SMOC1: variants seen among roughly 807,000 people sequenced by gnomAD.
SMOC1 encodes SPARC related modular calcium binding 1.
Under a neutral mutation model 56.3 loss-of-function variants are expected in SMOC1, and 22 were observed. The observed-to-expected ratio is 0.39, with a 90% confidence interval of 0.28 to 0.56. SMOC1 has a LOEUF of 0.56. Among genes scored for constraint, SMOC1 ranks in the 20% least tolerant of loss-of-function variants. SMOC1 has a pLI of 0.61. For missense variants in SMOC1, 509 were observed against 565.4 expected, an observed-to-expected ratio of 0.90 and a Z score of 1.01; for synonymous variants, 193 against 215.0, an observed-to-expected ratio of 0.90 and a Z score of 0.89.
chr14:69,944,666 C>T (rs1002624261), intron 1 of SMOC1, among the ~76,000 whole-genome samples: 16 of 152,076 alleles, frequency 1.1e-4, no homozygotes, highest in Admixed American at 9.2e-4. Context: ...ATCACATTGG[C>T]CGTTAAATTG....
intron 1 of SMOC1, among the ~76,000 whole-genome samples, chr14:69,912,521 G>A (rs1884580640): frequency 6.6e-6 from 1 of 152,184 alleles, no homozygotes; most frequent in Non-Finnish European, 1.5e-5. Context: ...CTAAAGTGCT[G>A]AGATTACAGG....
rs372449322 is a variant in SMOC1, at chr14:69,965,794, T to G, written c.379-9921T>G. Among the ~76,000 whole-genome samples the G allele has an allele frequency of 6.6e-5, 10 of 152,322 alleles. No individual in the cohort carries two copies. In the South Asian group the frequency reaches 1.2e-3, roughly 19 times the overall value. On this transcript the variant is annotated intron_variant, in intron 3 of 11. Coordinates refer to ENST00000361956, the MANE Select transcript of SMOC1 (RefSeq NM_001034852.3). ...TCCAATCAGGTGGCTAGGCACACAG[T>G]AGGCCCACAACAGACATTTACTCAG...
chr14:69,957,500 C>T (rs1001393140), intron 3 of SMOC1, among the ~76,000 whole-genome samples: 3 of 152,152 alleles, frequency 2.0e-5, no homozygotes, highest in African/African-American at 7.2e-5. Flanking sequence ...TGCCTAATAT[C>T]CAAGGCTGTG....
Position 70,023,459 on chromosome 14 carries a change from C to G in SMOC1, c.1291+12C>G. On this transcript the variant is annotated intron_variant, in intron 11 of 11. Coordinates refer to ENST00000361956, the MANE Select transcript of SMOC1 (RefSeq NM_001034852.3). ...TGTTAGCAAAGAAGGTGAGTGCTCT[C>G]CCCTGTGCTCCTGGCCTTTCAATAC... 2 of 1,613,818 alleles carry G rather than the reference C, an allele frequency of 1.2e-6. No homozygotes were observed. The highest frequency in any genetic ancestry group is 1.7e-6 in the Non-Finnish European group (2 of 1,180,026).
At position 70,006,530 on chromosome 14, in the gene SMOC1, C is replaced by CA. The variant is rs1263408886; in HGVS notation, c.665-4219dup. 5.3e-5 allele frequency among the ~76,000 whole-genome samples: 8 copies of CA among 152,272 alleles called. No individual in the cohort carries two copies. The East Asian group carries it at 1.5e-3, about 29-fold the overall frequency. ...GTTGACTGAAGGGCTTACAGGGCTACAAAAATACGTACAGGGTAAATTGAT... is the reference window on the plus strand; with the variant it reads ...GTTGACTGAAGGGCTTACAGGGCTACAAAAAATACGTACAGGGTAAATTGAT... On this transcript the variant is annotated intron_variant, in intron 7 of 11. Coordinates refer to ENST00000361956, the MANE Select transcript of SMOC1 (RefSeq NM_001034852.3).
At chr14:70,006,621 A>C (rs1885157190) in intron 7 of SMOC1, among the ~76,000 whole-genome samples, 1 of 152,200 alleles carries the variant, frequency 6.6e-6, no homozygotes, top group African/African-American at 2.4e-5. Flanking sequence ...TCCGAAATGT[A>C]CTGGCTTACC....
intron 6 of SMOC1, 144 bp from the exon 7 acceptor site, chr14:69,994,256 A>G: frequency 2.6e-6 from 2 of 771,640 alleles, no homozygotes. Flanking sequence ...AAGGGAGGGG[A>G]ACTGGGAGGA....
intron 3 of SMOC1, among the ~76,000 whole-genome samples, chr14:69,973,383 G>A (rs1242946862): frequency 5.3e-5 from 8 of 152,274 alleles, no homozygotes; most frequent in Non-Finnish European, 1.0e-4. Flanking sequence ...TGGGCTCAAA[G>A]AGCTGAGCGA....
At chr14:69,901,620 G>A (rs4902765) in intron 1 of SMOC1, among the ~76,000 whole-genome samples, 101,924 of 152,208 alleles carry the variant, frequency 0.67, 38,825 homozygotes, top group East Asian at 0.91. Flanking sequence ...ATTAGGGTAG[G>A]ACATCTTAGG....
In SMOC1 at chr14:69,879,550, G is replaced by A. The variant is rs1054659982; in HGVS notation, c.-129G>A. ...CTGACCGCAGCCTCTGCGAGCCCCC[G>A]CCGCAGGACCACGGCCCGCTCCCCG... On this transcript the variant is annotated 5_prime_UTR_variant, in exon 1 of 12. Transcript: ENST00000361956. 1.4e-4 allele frequency: 90 copies of A among 642,038 alleles called. No homozygotes were observed. Among genetic ancestry groups the A allele is most frequent in the South Asian group, 6.4e-4 (18 of 27,992 alleles). 39.8% of individuals were successfully genotyped at this position (642,038 alleles called of 1,614,324 possible). A position where few individuals can be genotyped will look rare whatever the true frequency, so the allele number is the denominator to read the frequency against.
chr14:69,969,490 C>A (rs1883683302), intron 3 of SMOC1, among the ~76,000 whole-genome samples: 1 of 152,064 alleles, frequency 6.6e-6, no homozygotes, highest in African/African-American at 2.4e-5. Flanking sequence ...GTGCCACACA[C>A]TTTTAAACGA....
At chr14:70,008,217 C>A (rs1468975594) in intron 7 of SMOC1, among the ~76,000 whole-genome samples, 1 of 152,116 alleles carries the variant, frequency 6.6e-6, no homozygotes, top group Non-Finnish European at 1.5e-5. Flanking sequence ...GCAGCCTCAA[C>A]CTCCTGGACT....
chr14:69,979,419 A>G (rs927793594), intron 5 of SMOC1, among the ~76,000 whole-genome samples: 6 of 152,160 alleles, frequency 3.9e-5, no homozygotes, highest in African/African-American at 1.4e-4. Context: ...AAGGGAAGTA[A>G]GTGCTTCTTC....
intron 10 of SMOC1, among the ~76,000 whole-genome samples, chr14:70,015,876 G>A (rs1250140170): frequency 6.6e-6 from 1 of 152,120 alleles, no homozygotes; most frequent in South Asian, 2.1e-4. Flanking sequence ...GCAAAAACAG[G>A]CATGAAAGAT....
At chr14:69,989,643 C>A (rs1884492867) in intron 5 of SMOC1, among the ~76,000 whole-genome samples, 1 of 152,144 alleles carries the variant, frequency 6.6e-6, no homozygotes, top group Admixed American at 6.5e-5. Context: ...CTCAACTTAT[C>A]CAGAGTAAAC....
chr14:70,013,593 C>A, intron 10 of SMOC1, 102 bp downstream of exon 10: 3 of 973,302 alleles, frequency 3.1e-6, no homozygotes, highest in Non-Finnish European at 4.9e-6. Context: ...TTGAGGAGGG[C>A]AAGGGCTGGA....
At chr14:69,901,292 C>G (rs1008010710) in intron 1 of SMOC1, among the ~76,000 whole-genome samples, 6 of 152,244 alleles carry the variant, frequency 3.9e-5, no homozygotes, top group African/African-American at 1.4e-4. Context: ...CAGCTCTAAC[C>G]AGGAGGTGCA....
intron 6 of SMOC1, among the ~76,000 whole-genome samples, chr14:69,993,886 C>T (rs1490421228): frequency 6.6e-6 from 1 of 152,178 alleles, no homozygotes; most frequent in Non-Finnish European, 1.5e-5. Flanking sequence ...CACCCTGGCA[C>T]TCTCTTGATG....
chr14:69,962,307 C>T (rs79982814), intron 3 of SMOC1, among the ~76,000 whole-genome samples: 1 of 151,828 alleles, frequency 6.6e-6, no homozygotes, highest in Non-Finnish European at 1.5e-5. Flanking sequence ...GGATTATAAG[C>T]GCGTGCCACC....
Sources: allele counts gnomAD v4.1 joint callset (sites outside exome capture counted in the v4.1 genomes callset), GRCh38; gene constraint gnomAD v4.1.1; transcripts MANE v1.5; gene names NCBI Gene and HGNC (gene_info 2026-07-23, HGNC 2026-07-21).